Variants in CNTNAP2 observed in about 807,000 individuals in gnomAD.
CNTNAP2 encodes contactin-associated protein-like 2.
Under a neutral mutation model 155.2 loss-of-function variants are expected in CNTNAP2, and 98 were observed. That is an observed-to-expected ratio of 0.63 (90% CI 0.54 to 0.75). The LOEUF is 0.75. Ranked by LOEUF, CNTNAP2 falls within the 30% of genes least tolerant of loss-of-function variation. The pLI is 0.00. For synonymous variants in CNTNAP2, 651 were observed against 631.2 expected (o/e 1.03, Z -0.47); for missense variants, 1,727 against 1,688.1 (o/e 1.02, Z -0.40).
intron 3 of CNTNAP2, among the ~76,000 whole-genome samples, chr7:146,970,674 C>A (rs111856520): frequency 0.069 from 10,440 of 151,996 alleles, 500 homozygotes; most frequent in African/African-American, 0.14. Context: ...GGATCTAGAA[C>A]TAGAAATACC....
At chr7:146,517,154 G>C (rs946706636) in intron 1 of CNTNAP2, among the ~76,000 whole-genome samples, 2 of 151,944 alleles carry the variant, frequency 1.3e-5, no homozygotes, top group Admixed American at 6.6e-5. Context: ...TATCCACACT[G>C]TACAGGCCAC....
At chr7:148,306,753 T>C (rs1222921528) in intron 21 of CNTNAP2, among the ~76,000 whole-genome samples, 1 of 152,020 alleles carries the variant, frequency 6.6e-6, no homozygotes, top group Non-Finnish European at 1.5e-5. Flanking sequence ...TAGCTTTCTT[T>C]GGTTGGTTGG....
At chr7:147,898,579 G>A (rs866325773) in intron 13 of CNTNAP2, among the ~76,000 whole-genome samples, 5 of 151,916 alleles carry the variant, frequency 3.3e-5, no homozygotes, top group Middle Eastern at 3.2e-3. Context: ...GAGTGCAATG[G>A]CGTAATCTTG....
chr7:146,224,550 A>G (rs1252820793), intron 1 of CNTNAP2, among the ~76,000 whole-genome samples: 1 of 151,182 alleles, frequency 6.6e-6, no homozygotes, highest in Non-Finnish European at 1.5e-5. Flanking sequence ...GATTGAGACT[A>G]TCCTGGCTAA....
intron 3 of CNTNAP2, among the ~76,000 whole-genome samples, chr7:146,994,269 CAG>C (rs1434502121): frequency 1.3e-5 from 2 of 152,064 alleles, no homozygotes; most frequent in East Asian, 1.9e-4. Context: ...ATCTTACCAT[CAG>C]AGTTTTTGTA....
chr7:148,415,699 C>CT lies in CNTNAP2; in HGVS notation c.*85dup, dbSNP rs2116730697. On this transcript the variant is annotated 3_prime_UTR_variant, in exon 24 of 24. Transcript: ENST00000361727. ...GGACAAAAGCACCCTGCTTCATACTCTTGAGCACATCCTTAAAATATCAGC... is the reference window on the plus strand; with the variant it reads ...GGACAAAAGCACCCTGCTTCATACTCTTTGAGCACATCCTTAAAATATCAGC... 1 of 1,473,918 alleles carries CT rather than the reference C, an allele frequency of 6.8e-7. No homozygotes were observed. The highest frequency in any genetic ancestry group is 9.4e-7 in the Non-Finnish European group (1 of 1,061,040). 91.3% of individuals were successfully genotyped at this position (1,473,918 alleles called of 1,614,324 possible). A position where few individuals can be genotyped will look rare whatever the true frequency, so the allele number is the denominator to read the frequency against.
chr7:146,660,632 T>TA (rs1585029510), intron 1 of CNTNAP2, among the ~76,000 whole-genome samples: 1 of 152,208 alleles, frequency 6.6e-6, no homozygotes, highest in East Asian at 1.9e-4. Flanking sequence ...ACTATCTCAA[T>TA]AAATGGGAGG....
intron 14 of CNTNAP2, among the ~76,000 whole-genome samples, chr7:147,940,819 A>G (rs1800707930): frequency 6.6e-6 from 1 of 152,214 alleles, no homozygotes; most frequent in African/African-American, 2.4e-5. Flanking sequence ...ATTACAAGGC[A>G]TAAGCCATCA....
intron 3 of CNTNAP2, among the ~76,000 whole-genome samples, chr7:146,844,845 A>G (rs1027155556): frequency 6.6e-6 from 1 of 152,154 alleles, no homozygotes; most frequent in African/African-American, 2.4e-5. Context: ...AACAGTTTTG[A>G]TCCATTTTGT....
At chr7:146,184,313 A>C (rs1346000776) in intron 1 of CNTNAP2, among the ~76,000 whole-genome samples, 1 of 152,202 alleles carries the variant, frequency 6.6e-6, no homozygotes, top group Non-Finnish European at 1.5e-5. Context: ...CACAAAAATG[A>C]AACCTGAGAC....
At chr7:148,375,241 TTATAC>T (rs1238946787) in intron 21 of CNTNAP2, among the ~76,000 whole-genome samples, 2 of 124,444 alleles carry the variant, frequency 1.6e-5, no homozygotes, top group African/African-American at 5.5e-5. Context: ...TATATGTATG[TTATAC>T]TATATATAAA....
At chr7:147,713,949 T>C (rs1796441744) in intron 13 of CNTNAP2, among the ~76,000 whole-genome samples, 1 of 152,172 alleles carries the variant, frequency 6.6e-6, no homozygotes, top group Non-Finnish European at 1.5e-5. Context: ...ATTAGATGCT[T>C]AACGAATATT....
intron 1 of CNTNAP2, among the ~76,000 whole-genome samples, chr7:146,767,688 A>G (rs1389381634): frequency 6.6e-6 from 1 of 152,184 alleles, no homozygotes; most frequent in Non-Finnish European, 1.5e-5. Context: ...GTAGTAGTCA[A>G]TGAGTTCTTT....
chr7:146,894,212 T>A (rs902479487), intron 3 of CNTNAP2, among the ~76,000 whole-genome samples: 2 of 152,194 alleles, frequency 1.3e-5, no homozygotes, highest in South Asian at 4.1e-4. Flanking sequence ...CAATATATTC[T>A]CTGTCTCCTA....
chr7:146,373,267 A>G (rs1198099204), intron 1 of CNTNAP2, among the ~76,000 whole-genome samples: 2 of 152,188 alleles, frequency 1.3e-5, no homozygotes, highest in South Asian at 2.1e-4. Flanking sequence ...AGTATCACAG[A>G]GTCTCTATTT....
Position 146,614,553 on chromosome 7 carries a change from T to C in CNTNAP2, c.98-159718T>C, listed in dbSNP as rs749211079. Among the ~76,000 whole-genome samples the C allele has an allele frequency of 4.5e-4, 68 of 152,302 alleles. 1 individual carries two copies. The highest frequency in any genetic ancestry group is 1.5e-3 in the South Asian group (7 of 4,826). ...TGTTTGGGGAAAAGGGCCACAATCA[T>C]GTCTGCTGGGGATTCACCCTGTAAT... On this transcript the variant is annotated intron_variant, in intron 1 of 23. Coordinates refer to ENST00000361727, the MANE Select transcript of CNTNAP2 (RefSeq NM_014141.6).
At chr7:147,157,046 C>T (rs1801939432) in intron 8 of CNTNAP2, among the ~76,000 whole-genome samples, 1 of 152,182 alleles carries the variant, frequency 6.6e-6, no homozygotes, top group African/African-American at 2.4e-5. Flanking sequence ...TGTCTCCAGG[C>T]ATGGCTTTTT....
chr7:146,366,399 G>A lies in CNTNAP2; in HGVS notation c.97+249426G>A, dbSNP rs559446427. 2.2e-4 allele frequency among the ~76,000 whole-genome samples: 34 copies of A among 151,956 alleles called. No individual in the cohort carries two copies. The South Asian group carries it at 5.6e-3, about 25-fold the overall frequency. On this transcript the variant is annotated intron_variant, in intron 1 of 23. Transcript: ENST00000361727. Reference sequence around the variant, plus strand: ...GTATTAAATACTTTAATAAGTATACGTTATTAAAAACCATTTATCCGGACA... The same window carrying A: ...GTATTAAATACTTTAATAAGTATACATTATTAAAAACCATTTATCCGGACA...
intron 3 of CNTNAP2, among the ~76,000 whole-genome samples, chr7:146,936,967 G>A (rs1314438605): frequency 6.6e-6 from 1 of 152,146 alleles, no homozygotes; most frequent in Non-Finnish European, 1.5e-5. Context: ...AAAATAAAAT[G>A]TGTTCATGAA....
Sources: gnomAD v4.1 joint callset for allele counts (sites outside exome capture counted in the v4.1 genomes callset) on GRCh38, gnomAD v4.1.1 for gene constraint, MANE v1.5 for transcripts, NCBI Gene and HGNC (gene_info 2026-07-23, HGNC 2026-07-21) for gene names.